The following CMSS1 variants were observed in gnomAD, a reference collection of about 807,000 sequenced individuals.
CMSS1 encodes protein CMSS1.
A neutral mutation model predicts 43.5 loss-of-function variants in CMSS1; 33 were observed. That is an observed-to-expected ratio of 0.76 (90% CI 0.57 to 1.01). The LOEUF is 1.01. Ranked by LOEUF, CMSS1 falls within the 50% of genes least tolerant of loss-of-function variation. The pLI is 0.00. For missense variants in CMSS1, 313 were observed against 326.4 expected, an observed-to-expected ratio of 0.96 and a Z score of 0.32; for synonymous variants, 115 against 117.2, an observed-to-expected ratio of 0.98 and a Z score of 0.12.
chr3:100,074,743 G>A (rs2065823170), intron 1 of CMSS1, among the ~76,000 whole-genome samples: 2 of 106,866 alleles, frequency 1.9e-5, no homozygotes, highest in African/African-American at 3.6e-5. Flanking sequence ...GTCCAGGCTA[G>A]AGTACAATGG....
intron 1 of CMSS1, among the ~76,000 whole-genome samples, chr3:99,890,028 C>T (rs1227822604): frequency 6.6e-6 from 1 of 152,094 alleles, no homozygotes; most frequent in Admixed American, 6.6e-5. Flanking sequence ...GGACCACTTT[C>T]CTTCAATCTA....
At chr3:99,976,122 T>G (rs570575607) in intron 1 of CMSS1, among the ~76,000 whole-genome samples, 2 of 152,122 alleles carry the variant, frequency 1.3e-5, no homozygotes, top group South Asian at 4.2e-4. Context: ...TGACCTCAGG[T>G]GGTTCGCCCG....
intron 1 of CMSS1, among the ~76,000 whole-genome samples, chr3:99,957,485 C>A (rs142473916): frequency 9.0e-4 from 137 of 151,950 alleles, no homozygotes; most frequent in African/African-American, 3.0e-3. Context: ...CATGAAAGAT[C>A]CTCATTAGGT....
intron 1 of CMSS1, among the ~76,000 whole-genome samples, chr3:100,129,935 T>A (rs1304678377): frequency 2.0e-5 from 3 of 152,244 alleles, no homozygotes; most frequent in African/African-American, 7.2e-5. Flanking sequence ...TTTCAGTGTT[T>A]ATTACTGTTT....
At chr3:99,851,136 A>G in intron 1 of CMSS1, 1 of 1,241,516 alleles carries the variant, frequency 8.1e-7, no homozygotes, top group South Asian at 1.6e-5. Context: ...ATGTACTTAA[A>G]TATATATGTA....
At chr3:100,116,216 G>T (rs918614157) in intron 1 of CMSS1, among the ~76,000 whole-genome samples, 4 of 152,106 alleles carry the variant, frequency 2.6e-5, no homozygotes, top group African/African-American at 9.7e-5. Context: ...ATTTTGTGGG[G>T]AGATACTTGG....
intron 1 of CMSS1, among the ~76,000 whole-genome samples, chr3:100,042,584 A>ATAAT: frequency 6.6e-6 from 1 of 152,246 alleles, no homozygotes; most frequent in South Asian, 2.1e-4. Context: ...TGTATGGTTC[A>ATAAT]GACATTGTTA....
At chr3:100,087,097 T>C (rs554526223) in intron 1 of CMSS1, among the ~76,000 whole-genome samples, 68 of 152,344 alleles carry the variant, frequency 4.5e-4, no homozygotes, top group African/African-American at 1.5e-3. Context: ...CTAATCCAAT[T>C]ACGAGTTGAA....
At chr3:99,952,925 T>C (rs1708219238) in intron 1 of CMSS1, among the ~76,000 whole-genome samples, 1 of 152,146 alleles carries the variant, frequency 6.6e-6, no homozygotes, top group Admixed American at 6.5e-5. Flanking sequence ...GGCAATGGAT[T>C]GTAGATAGTT....
intron 1 of CMSS1, among the ~76,000 whole-genome samples, chr3:99,950,948 T>C (rs571023136): frequency 2.6e-4 from 39 of 152,186 alleles, no homozygotes; most frequent in African/African-American, 9.2e-4. Context: ...GATTATTGGG[T>C]TTGACTCTGC....
intron 1 of CMSS1, among the ~76,000 whole-genome samples, chr3:100,078,055 A>G (rs974030257): frequency 2.4e-4 from 37 of 152,038 alleles, no homozygotes; most frequent in Admixed American, 2.4e-3. Context: ...TATCCTATTT[A>G]TAAGTTAGAA....
chr3:100,061,269 A>G (rs1054032491), intron 1 of CMSS1, among the ~76,000 whole-genome samples: 2 of 152,254 alleles, frequency 1.3e-5, no homozygotes, highest in Admixed American at 1.3e-4. Flanking sequence ...TGTTTGTGTA[A>G]TGAGAGGCTC....
chr3:100,167,727 C>A lies in CMSS1; in HGVS notation c.416-11C>A. ...ATATTTCAAATAATTGTTTTCTGTTCTTTTTTCCAGTTTGTCCTAAGTGGG... is the reference window on the plus strand; with the variant it reads ...ATATTTCAAATAATTGTTTTCTGTTATTTTTTCCAGTTTGTCCTAAGTGGG... On this transcript the variant is annotated splice_polypyrimidine_tract_variant and intron_variant, in intron 5 of 9. Coordinates refer to ENST00000421999, the MANE Select transcript of CMSS1 (RefSeq NM_032359.4). 1 of 1,582,622 alleles carries A rather than the reference C, an allele frequency of 6.3e-7. No individual in the cohort carries two copies. Among genetic ancestry groups the A allele is most frequent in the Non-Finnish European group, 8.6e-7 (1 of 1,158,024 alleles).
At chr3:99,991,836 ATGTGTG>A (rs112596171) in intron 1 of CMSS1, among the ~76,000 whole-genome samples, 4 of 143,510 alleles carry the variant, frequency 2.8e-5, no homozygotes, top group South Asian at 2.2e-4. Context: ...ATATATATAT[ATGTGTG>A]TGTGTGTGTG....
chr3:99,818,178 CG>C, intron 1 of CMSS1, 135 bp downstream of exon 1: 1 of 737,340 alleles, frequency 1.4e-6, no homozygotes, highest in Non-Finnish European at 2.3e-6. Context: ...GCAAGCATCT[CG>C]GGGAAAATGG....
At chr3:99,948,879 A>G (rs945599568) in intron 1 of CMSS1, among the ~76,000 whole-genome samples, 1 of 152,170 alleles carries the variant, frequency 6.6e-6, no homozygotes, top group Non-Finnish European at 1.5e-5. Flanking sequence ...CCCTCTCAGC[A>G]GGACTTAGAG....
rs1247574410 is a variant in CMSS1, at chr3:99,912,261, A to G, written c.64+94218A>G. 2.0e-5 allele frequency among the ~76,000 whole-genome samples: 3 copies of G among 152,366 alleles called. 1 individual carries two copies. Among genetic ancestry groups the G allele is most frequent in the Middle Eastern group, 6.8e-3 (2 of 294 alleles). ...ACAGGGACAAATAGCTACATCTTGT[A>G]TGATTCCATTTATGTGAAATGCCCA... On this transcript the variant is annotated intron_variant, in intron 1 of 9. Coordinates refer to ENST00000421999, the MANE Select transcript of CMSS1 (RefSeq NM_032359.4).
intron 1 of CMSS1, among the ~76,000 whole-genome samples, chr3:100,014,334 T>G (rs1413575922): frequency 6.6e-6 from 1 of 152,142 alleles, no homozygotes; most frequent in Non-Finnish European, 1.5e-5. Flanking sequence ...AGATACTTAT[T>G]TCATTTCTTT....
intron 1 of CMSS1, among the ~76,000 whole-genome samples, chr3:99,952,500 T>C (rs535611181): frequency 8.7e-4 from 132 of 152,314 alleles, no homozygotes; most frequent in Admixed American, 1.4e-3. Context: ...AGTTCATTCA[T>C]GGTTGGCTTA....
Sources: gnomAD v4.1 joint callset for allele counts (sites outside exome capture counted in the v4.1 genomes callset) on GRCh38, gnomAD v4.1.1 for gene constraint, MANE v1.5 for transcripts, NCBI Gene and HGNC (gene_info 2026-07-23, HGNC 2026-07-21) for gene names.